ADGRB1: variants seen among roughly 807,000 people sequenced by gnomAD.
ADGRB1 encodes adhesion G protein-coupled receptor B1.
ADGRB1 carries 36 observed loss-of-function variants against 175.7 expected under a neutral mutation model. The ratio of observed to expected loss-of-function variants is 0.20; its 90% CI spans 0.16 to 0.27. The LOEUF is 0.27. Among genes scored for constraint, ADGRB1 ranks in the 10% least tolerant of loss-of-function variants. ADGRB1 has a pLI of 1.00. For missense variants in ADGRB1, 1,731 were observed against 2,255.3 expected (o/e 0.77, Z 4.71); for synonymous variants, 1,054 against 979.4 (o/e 1.08, Z -1.42).
At chr8:142,529,202 ATG>A (rs541546406) in intron 24 of ADGRB1, among the ~76,000 whole-genome samples, 181 of 152,270 alleles carry the variant, frequency 1.2e-3, no homozygotes, top group Non-Finnish European at 1.9e-3. Flanking sequence ...AGGTGTGTGC[ATG>A]TGTGTGAGTG....
intron 1 of ADGRB1, among the ~76,000 whole-genome samples, chr8:142,454,913 G>A (rs1415555935): frequency 6.6e-6 from 1 of 152,056 alleles, no homozygotes; most frequent in Non-Finnish European, 1.5e-5. Flanking sequence ...CCCGTTACAG[G>A]CTCTTGTTCG....
intron 25 of ADGRB1, 39 bp from the exon 26 acceptor site, chr8:142,536,948 G>A (rs2132253575): frequency 2.6e-6 from 4 of 1,521,822 alleles, no homozygotes; most frequent in Non-Finnish European, 2.7e-6. Flanking sequence ...CAGGGTGGGG[G>A]CGTGGCTGCC....
chr8:142,462,579 G>A (rs966321852), intron 1 of ADGRB1, among the ~76,000 whole-genome samples: 1 of 152,248 alleles, frequency 6.6e-6, no homozygotes, highest in Admixed American at 6.5e-5. Context: ...GGCTGTGCAG[G>A]AAGGACGCCA....
At chr8:142,454,722 C>T (rs563291130) in intron 1 of ADGRB1, among the ~76,000 whole-genome samples, 13 of 152,120 alleles carry the variant, frequency 8.5e-5, no homozygotes, top group Non-Finnish European at 1.6e-4. Context: ...CCCCTTCCCC[C>T]GCAAAGCACA....
chr8:142,459,929 C>T (rs1396233193), intron 1 of ADGRB1, among the ~76,000 whole-genome samples: 2 of 152,254 alleles, frequency 1.3e-5, no homozygotes, highest in East Asian at 1.9e-4. Flanking sequence ...CAGGGCCCCA[C>T]TCAGGCGCTG....
chr8:142,469,478 TGA>T (rs376747979), intron 2 of ADGRB1, among the ~76,000 whole-genome samples: 31 of 144,124 alleles, frequency 2.2e-4, no homozygotes, highest in African/African-American at 5.2e-4. Flanking sequence ...CGTGCATGTG[TGA>T]GTGTGTATGC....
intron 20 of ADGRB1, 66 bp from the exon 21 acceptor site, chr8:142,521,899 T>A: frequency 3.3e-6 from 5 of 1,520,786 alleles, no homozygotes; most frequent in Non-Finnish European, 4.4e-6. Flanking sequence ...AGACAGGCAC[T>A]CAGTGGGGAC....
At position 142,475,581 on chromosome 8, in the gene ADGRB1, G is replaced by A. The variant is rs1433220959; in HGVS notation, c.892G>A (p.Gly298Ser). The A allele has an allele frequency of 1.6e-6, 2 of 1,257,110 alleles. No individual in the cohort carries two copies. Among genetic ancestry groups the A allele is most frequent in the East Asian group, 5.9e-5 (2 of 33,642 alleles). The allele number at this position is 1,257,110 out of a possible 1,614,324, so 77.9% of individuals were successfully genotyped here. A position where few individuals can be genotyped will look rare whatever the true frequency, so the allele number is the denominator to read the frequency against. Residue 298 changes from glycine (G) to serine (S), a missense_variant, in exon 3 of 31, where the codon GGC (glycine) becomes AGC (serine). By Grantham distance (56) the Gly-to-Ser change is moderately conservative (BLOSUM62 0). Coordinates refer to ENST00000517894, the MANE Select transcript of ADGRB1 (RefSeq NM_001702.3). ...CLPAPGVEGG[G>S]CEGVLEEGRQ... ...GCCCGCGCCGGGCGTGGAGGGCGGC[G>A]GCTGCGAGGGGGTGCTGGAGGAGGG...
rs778160274 is a variant in ADGRB1 at position 142,518,099 on chromosome 8, G to T, written c.2818-39G>T. The T allele has an allele frequency of 3.1e-6, 5 of 1,595,412 alleles. No individual in the cohort carries two copies. The Admixed American group carries it at 6.7e-5, about 21-fold the overall frequency. ...TCGGGTCTGCCGAGTGGGCGAGTGG[G>T]GTGCCTCACTCCCTGCGGTCTCTTC... On this transcript the variant is annotated intron_variant, in intron 18 of 30. Transcript: ENST00000517894.
Position 142,481,519 on chromosome 8 carries a change from C to T in ADGRB1, c.1938C>T (p.Thr646=), listed in dbSNP as rs769363124. ...CCCGCCCTCTCTGTCTTCCGCAGAC[C>T]CGGGAGCACCTGGCCAAGGCTCAGC... is the stretch of plus-strand genomic sequence containing the variant. ...SIDYRNIQMM[T]REHLAKAQRG... Residue 646 remains threonine (T), a splice_region_variant and synonymous_variant, in exon 11 of 31, where the codon ACC becomes ACT. Coordinates refer to ENST00000517894, the MANE Select transcript of ADGRB1 (RefSeq NM_001702.3). 1.0e-5 allele frequency: 16 copies of T among 1,577,478 alleles called. No individual in the cohort carries two copies. The highest frequency in any genetic ancestry group is 2.3e-5 in the East Asian group (1 of 43,548).
chr8:142,470,074 C>T (rs1840570704), intron 2 of ADGRB1, among the ~76,000 whole-genome samples: 1 of 152,202 alleles, frequency 6.6e-6, no homozygotes. Flanking sequence ...ACGGCCTGTC[C>T]AAGTGCCACA....
In ADGRB1 at chr8:142,481,299, A is replaced by G; in HGVS notation, c.1874A>G (p.Tyr625Cys). Residue 625 changes from tyrosine (Y) to cysteine (C), a missense_variant, in exon 10 of 31, where the codon TAC (tyrosine) becomes TGC (cysteine). Physicochemically the swap from Tyr to Cys is radical, Grantham distance 194. Transcript: ENST00000517894. ...GAGCTGGACGAGGAAGGCATCGCCT[A>G]CTGGGAGCCCCCCACCTACATCCGC... ...RCELDEEGIA[Y>C]WEPPTYIRCV... The G allele has an allele frequency of 1.2e-6, 2 of 1,613,822 alleles. No homozygotes were observed. The highest frequency in any genetic ancestry group is 1.7e-6 in the Non-Finnish European group (2 of 1,179,876).
chr8:142,523,367 C>T (rs184357574), intron 22 of ADGRB1, among the ~76,000 whole-genome samples: 8 of 149,016 alleles, frequency 5.4e-5, no homozygotes, highest in African/African-American at 1.5e-4. Flanking sequence ...GTGGGGAGCG[C>T]GAGGCAGGAG....
At chr8:142,490,565 G>T (rs1161416190) in intron 16 of ADGRB1, among the ~76,000 whole-genome samples, 1 of 152,258 alleles carries the variant, frequency 6.6e-6, no homozygotes, top group Non-Finnish European at 1.5e-5. Flanking sequence ...CACATGGGTG[G>T]TGGGGGCTTG....
intron 2 of ADGRB1, among the ~76,000 whole-genome samples, chr8:142,466,223 G>A (rs967939715): frequency 6.6e-6 from 1 of 152,166 alleles, no homozygotes; most frequent in Admixed American, 6.5e-5. Context: ...GGCCATCTTG[G>A]GGCAATGGGA....
chr8:142,493,882 C>T lies in ADGRB1; in HGVS notation c.2675+3067C>T, dbSNP rs887340264. ...CCTCCCTTGACTGCTGCAGGGGCCA[C>T]TCCTCGCCCTGTGAACTGTCTCCGG... On this transcript the variant is annotated intron_variant, in intron 17 of 30. Coordinates refer to ENST00000517894, the MANE Select transcript of ADGRB1 (RefSeq NM_001702.3). The surrounding 1 kb of genome is among the most constrained non-coding windows in gnomAD (Gnocchi z 5.0). 1.3e-5 allele frequency among the ~76,000 whole-genome samples: 2 copies of T among 152,210 alleles called. No individual in the cohort carries two copies. Among genetic ancestry groups the T allele is most frequent in the African/African-American group, 4.8e-5 (2 of 41,448 alleles).
At chr8:142,538,703 C>T (rs1354131289) in intron 26 of ADGRB1, among the ~76,000 whole-genome samples, 1 of 152,350 alleles carries the variant, frequency 6.6e-6, no homozygotes, top group South Asian at 2.1e-4. Context: ...CTCCTGCCTC[C>T]CCAGCTGACT....
At chr8:142,527,646 C>A (rs949483223) in intron 24 of ADGRB1, among the ~76,000 whole-genome samples, 3 of 152,072 alleles carry the variant, frequency 2.0e-5, no homozygotes, top group Non-Finnish European at 4.4e-5. Flanking sequence ...CCCTACCTGT[C>A]CCCGGAACAC....
intron 24 of ADGRB1, among the ~76,000 whole-genome samples, chr8:142,530,643 C>A (rs1287531525): frequency 6.6e-6 from 1 of 152,192 alleles, no homozygotes; most frequent in African/African-American, 2.4e-5. Flanking sequence ...TCCACACTGG[C>A]CTGCCAGGCC....
Sources: allele counts gnomAD v4.1 joint callset (sites outside exome capture counted in the v4.1 genomes callset), GRCh38; gene constraint gnomAD v4.1.1; non-coding constraint Gnocchi (gnomAD v3.1); transcripts MANE v1.5; gene names NCBI Gene and HGNC (gene_info 2026-07-23, HGNC 2026-07-21).